The following PCLO variants were observed in gnomAD, a reference collection of about 807,000 sequenced individuals.
PCLO encodes the protein protein piccolo.
A neutral mutation model predicts 427.5 loss-of-function variants in PCLO; 82 were observed. That is an observed-to-expected ratio of 0.19 (90% CI 0.16 to 0.23). The LOEUF (loss-of-function observed/expected upper bound fraction) is 0.23. Among genes scored for constraint, PCLO ranks in the 10% least tolerant of loss-of-function variants. The pLI, the probability that PCLO is intolerant of heterozygous loss-of-function variation, is 1.00. For missense variants in PCLO, 6,239 were observed against 6,115.9 expected (o/e 1.02, Z -0.67); for synonymous variants, 2,357 against 2,155.4 (o/e 1.09, Z -2.59).
intron 22 of PCLO, among the ~76,000 whole-genome samples, chr7:82,772,122 A>G (rs1479389997): frequency 6.6e-6 from 1 of 152,094 alleles, no homozygotes; most frequent in African/African-American, 2.4e-5. Flanking sequence ...GCTAGTCTAT[A>G]TTAGATGTTT....
chr7:83,099,180 G>C (rs1182719934), intron 3 of PCLO, among the ~76,000 whole-genome samples: 1 of 149,734 alleles, frequency 6.7e-6, no homozygotes, highest in Admixed American at 6.8e-5. Context: ...ACGTGTATAG[G>C]CAAAGCTTTG....
At chr7:83,031,996 A>T (rs552162710) in intron 3 of PCLO, among the ~76,000 whole-genome samples, 1 of 152,212 alleles carries the variant, frequency 6.6e-6, no homozygotes, top group Non-Finnish European at 1.5e-5. Flanking sequence ...ACTTTCTTCA[A>T]TTTAGATGTA....
intron 6 of PCLO, among the ~76,000 whole-genome samples, chr7:82,928,789 T>A (rs1196281368): frequency 6.6e-6 from 1 of 152,148 alleles, no homozygotes; most frequent in Non-Finnish European, 1.5e-5. Flanking sequence ...TAATTGCTCA[T>A]CCATACCACA....
At chr7:82,896,169 T>C (rs1303513870) in intron 9 of PCLO, among the ~76,000 whole-genome samples, 42 of 151,888 alleles carry the variant, frequency 2.8e-4, no homozygotes. Context: ...AGAAATTTTA[T>C]GTCTAGTAAA....
intron 9 of PCLO, among the ~76,000 whole-genome samples, chr7:82,898,853 T>C (rs1385949860): frequency 6.6e-6 from 1 of 151,432 alleles, no homozygotes. Context: ...CAACAAATTA[T>C]GTTCAATTTT....
intron 2 of PCLO, among the ~76,000 whole-genome samples, chr7:83,136,872 A>G (rs1242007569): frequency 6.6e-6 from 1 of 152,210 alleles, no homozygotes; most frequent in Non-Finnish European, 1.5e-5. Flanking sequence ...ATATTTTACA[A>G]GATAATTTAA....
At chr7:82,970,174 A>G (rs1208943457) in intron 3 of PCLO, among the ~76,000 whole-genome samples, 1 of 152,044 alleles carries the variant, frequency 6.6e-6, no homozygotes, top group Admixed American at 6.6e-5. Flanking sequence ...TAAAAATTAA[A>G]CAATAAACAT....
At chr7:82,851,396 G>C (rs895886337) in intron 10 of PCLO, among the ~76,000 whole-genome samples, 1 of 151,802 alleles carries the variant, frequency 6.6e-6, no homozygotes. Flanking sequence ...GTGAGAAACA[G>C]GATCTGACCT....
Position 82,952,848 on chromosome 7 carries a change from G to T in PCLO, c.8105C>A (p.Pro2702His), listed in dbSNP as rs948824083. The change falls in exon 5 of 25, where the codon CCT (proline) becomes CAT (histidine). Residue 2702 changes from proline (P) to histidine (H), a missense_variant. Coordinates refer to ENST00000333891, the MANE Select transcript of PCLO (RefSeq NM_033026.6). ...TAAATGTATGTTATCTAGAGCAAGA[G>T]GCTCTGGAGGAATTGTTATGGAAAT... The part of the protein sequence containing the change: ...SSISITIPPE[P>H]LALDNIHLEK... The T allele has an allele frequency of 8.1e-6, 13 of 1,613,402 alleles. No individual in the cohort carries two copies. Among genetic ancestry groups the T allele is most frequent in the Non-Finnish European group, 1.1e-5 (13 of 1,179,526 alleles).
intron 9 of PCLO, among the ~76,000 whole-genome samples, chr7:82,882,170 A>G (rs1418538389): frequency 2.0e-5 from 3 of 152,196 alleles, no homozygotes; most frequent in African/African-American, 4.8e-5. Context: ...GTTGTACTGT[A>G]ATGTTTTATA....
At chr7:83,000,156 G>A (rs929891614) in intron 3 of PCLO, among the ~76,000 whole-genome samples, 6 of 151,160 alleles carry the variant, frequency 4.0e-5, no homozygotes, top group African/African-American at 1.5e-4. Flanking sequence ...AAGCCAGTGT[G>A]GTGTGTCAGG....
intron 3 of PCLO, among the ~76,000 whole-genome samples, chr7:82,992,321 A>G (rs142006519): frequency 1.3e-5 from 2 of 152,086 alleles, no homozygotes; most frequent in African/African-American, 4.8e-5. Flanking sequence ...AAGACAAATG[A>G]GTACCCTCTC....
chr7:83,018,462 C>G (rs2116040622), intron 3 of PCLO, among the ~76,000 whole-genome samples: 1 of 151,864 alleles, frequency 6.6e-6, no homozygotes, highest in Admixed American at 6.6e-5. Context: ...CTATTATAAC[C>G]AAAAATATAG....
rs1289533152 is a variant in PCLO at position 82,755,375 on chromosome 7, CTTAAG to C, written c.*3195_*3199del. 2 of 152,030 alleles carry C rather than the reference CTTAAG, an allele frequency of 1.3e-5. No homozygotes were observed. Among genetic ancestry groups the C allele is most frequent in the South Asian group, 4.1e-4 (2 of 4,826 alleles). The allele number at this position is 152,030 out of a possible 1,614,324, so 9.4% of individuals were successfully genotyped here. ...CAGAGTCACCAAAAATCTTCTTAATCTTAAGTAAAAACAGAGAAAACACCAACTTC... is the reference window on the plus strand; with the variant it reads ...CAGAGTCACCAAAAATCTTCTTAATCTAAAAACAGAGAAAACACCAACTTC... On this transcript the variant is annotated 3_prime_UTR_variant, in exon 25 of 25. Transcript: ENST00000333891.
At chr7:83,038,039 T>A (rs13244706) in intron 3 of PCLO, among the ~76,000 whole-genome samples, 1,518 of 22,702 alleles carry the variant, frequency 0.067, 132 homozygotes, top group East Asian at 0.11. Flanking sequence ...ATTTATATAT[T>A]TATATATATA....
intron 10 of PCLO, among the ~76,000 whole-genome samples, chr7:82,856,407 C>T (rs1273929035): frequency 6.6e-6 from 1 of 152,124 alleles, no homozygotes; most frequent in Non-Finnish European, 1.5e-5. Flanking sequence ...ATCACCGTGA[C>T]CACTAAAACA....
chr7:83,064,542 A>C (rs6962025), intron 3 of PCLO, among the ~76,000 whole-genome samples: 26,856 of 151,886 alleles, frequency 0.18, 3,076 homozygotes, highest in African/African-American at 0.32. Context: ...TGTTCATAAA[A>C]CACTAGCATA....
At chr7:82,901,961 C>T (rs1232913374) in intron 9 of PCLO, among the ~76,000 whole-genome samples, 1 of 151,328 alleles carries the variant, frequency 6.6e-6, no homozygotes, top group African/African-American at 2.4e-5. Flanking sequence ...AACAGGAACA[C>T]TTTTACACTG....
intron 3 of PCLO, among the ~76,000 whole-genome samples, chr7:83,069,130 C>T (rs759196126): frequency 3.9e-5 from 6 of 152,096 alleles, no homozygotes; most frequent in Non-Finnish European, 8.8e-5. Flanking sequence ...TTCTGGAGAA[C>T]TAATGCATAT....
Sources: gnomAD v4.1 joint callset for allele counts (sites outside exome capture counted in the v4.1 genomes callset) on GRCh38, gnomAD v4.1.1 for gene constraint, MANE v1.5 for transcripts, NCBI Gene and HGNC (gene_info 2026-07-23, HGNC 2026-07-21) for gene names.